The following UGT1A8 variants were observed in gnomAD, a reference collection of about 807,000 sequenced individuals.
UGT1A8 encodes the protein UDP glucuronosyltransferase family 1 member A8.
UGT1A8 carries 39 observed loss-of-function variants against 45.3 expected under a neutral mutation model. That is an observed-to-expected ratio of 0.86 (90% CI 0.67 to 1.12). The LOEUF is 1.12. UGT1A8 is among the 50% of genes most tolerant of loss of function. The pLI is 0.00. For synonymous variants in UGT1A8, 275 were observed against 249.2 expected (o/e 1.10, Z -0.97); for missense variants, 719 against 664.9 (o/e 1.08, Z -0.90).
At chr2:233,698,592 A>G (rs1559349856) in intron 1 of UGT1A8, among the ~76,000 whole-genome samples, 1 of 152,200 alleles carries the variant, frequency 6.6e-6, no homozygotes, top group South Asian at 2.1e-4. Context: ...TAATCCAAGA[A>G]ATTCGGATTA....
intron 1 of UGT1A8, among the ~76,000 whole-genome samples, chr2:233,732,755 G>GTTTTT (rs956485327): frequency 8.3e-6 from 1 of 120,224 alleles, no homozygotes; most frequent in African/African-American, 3.0e-5. Flanking sequence ...CACCAGCTTT[G>GTTTTT]TTTTTTTTTT....
chr2:233,714,705 C>T (rs577508309), intron 1 of UGT1A8, among the ~76,000 whole-genome samples: 2 of 152,262 alleles, frequency 1.3e-5, no homozygotes, highest in South Asian at 2.1e-4. Context: ...AACTGTTTAA[C>T]GTAGCTTTTT....
chr2:233,769,506 T>A lies in UGT1A8; in HGVS notation c.1295+1067T>A. On this transcript the variant is annotated intron_variant, in intron 4 of 4. Coordinates refer to ENST00000373450, the MANE Select transcript of UGT1A8 (RefSeq NM_019076.5). The surrounding 1 kb of genome is among the most constrained non-coding windows in gnomAD (Gnocchi z 4.4). ...GTGTGTTTATGAGAGTGTCCATTGCTTTCTCCCATGGTTACCTCCTTTAGA... is the reference window on the plus strand; with the variant it reads ...GTGTGTTTATGAGAGTGTCCATTGCATTCTCCCATGGTTACCTCCTTTAGA... The A allele has an allele frequency of 6.2e-7, 1 of 1,612,780 alleles. No individual in the cohort carries two copies. Among genetic ancestry groups the A allele is most frequent in the Non-Finnish European group, 8.5e-7 (1 of 1,179,850 alleles).
intron 1 of UGT1A8, chr2:233,719,006 C>G (rs899895461): frequency 1.3e-5 from 21 of 1,614,078 alleles, no homozygotes; most frequent in Non-Finnish European, 1.7e-5. Flanking sequence ...TGGTCCTCAC[C>G]CCAGAGGTGA....
At chr2:233,668,243 C>CCCCG (rs2074117268) in intron 1 of UGT1A8, among the ~76,000 whole-genome samples, 1 of 152,060 alleles carries the variant, frequency 6.6e-6, no homozygotes, top group Non-Finnish European at 1.5e-5. Context: ...GTGCGATATT[C>CCCCG]CCCGCCCTGT....
chr2:233,693,309 G>A (rs1394238379), intron 1 of UGT1A8: 4 of 1,614,038 alleles, frequency 2.5e-6, no homozygotes, highest in Middle Eastern at 1.6e-4. Flanking sequence ...TTTGCTGAGC[G>A]ATCATTCCTA....
rs1320189051 is a variant in UGT1A8, at chr2:233,757,543, T to TAC, written c.856-9490_856-9489insCA. Reference sequence around the variant, plus strand: ...AAATCTTGCCTGTAAGGAATATATATATATATATATATATATATGTATATA... The same window carrying TAC: ...AAATCTTGCCTGTAAGGAATATATATACATATATATATATATATATGTATATA... On this transcript the variant is annotated intron_variant, in intron 1 of 4. Coordinates refer to ENST00000373450, the MANE Select transcript of UGT1A8 (RefSeq NM_019076.5). Among the ~76,000 whole-genome samples the TAC allele has an allele frequency of 2.8e-3, 329 of 117,124 alleles. 12 individuals carry two copies. The highest frequency in any genetic ancestry group is 3.5e-3 in the African/African-American group (97 of 28,034). 76.8% of individuals were successfully genotyped at this position (117,124 alleles called of 152,430 possible). A position where few individuals can be genotyped will look rare whatever the true frequency, so the allele number is the denominator to read the frequency against.
chr2:233,708,356 T>TA (rs1456398377), intron 1 of UGT1A8: 1 of 152,248 alleles, frequency 6.6e-6, no homozygotes, highest in Non-Finnish European at 1.5e-5. Context: ...TTTCCCTTAT[T>TA]AATTCTTCAT....
intron 1 of UGT1A8, among the ~76,000 whole-genome samples, chr2:233,756,540 G>A (rs1404409517): frequency 2.0e-5 from 3 of 152,048 alleles, no homozygotes; most frequent in African/African-American, 7.2e-5. Flanking sequence ...TTTCTTGACT[G>A]CTAAAACAAC....
intron 1 of UGT1A8, among the ~76,000 whole-genome samples, chr2:233,636,212 G>A (rs1278781201): frequency 5.3e-5 from 8 of 150,440 alleles, no homozygotes; most frequent in African/African-American, 9.8e-5. Flanking sequence ...TTATCTTTCC[G>A]AATCTTCAAG....
At chr2:233,672,698 C>A in intron 1 of UGT1A8, 1 of 1,613,904 alleles carries the variant, frequency 6.2e-7, no homozygotes, top group South Asian at 1.1e-5. Context: ...TTGTTGCGAA[C>A]GGACTTTGTT....
chr2:233,625,960 T>A (rs28948384), intron 1 of UGT1A8, among the ~76,000 whole-genome samples: 1,835 of 152,022 alleles, frequency 0.012, 15 homozygotes, highest in Admixed American at 0.019. Context: ...GAGGAAGTCA[T>A]TCATCATAAA....
At chr2:233,631,939 G>GT (rs1352380615) in intron 1 of UGT1A8, among the ~76,000 whole-genome samples, 2 of 152,238 alleles carry the variant, frequency 1.3e-5, no homozygotes, top group African/African-American at 4.8e-5. Flanking sequence ...TATTGCCTAG[G>GT]TTTTTTTCTA....
intron 1 of UGT1A8, among the ~76,000 whole-genome samples, chr2:233,692,683 T>C (rs982840402): frequency 1.3e-5 from 2 of 151,996 alleles, no homozygotes; most frequent in Non-Finnish European, 1.5e-5. Flanking sequence ...TGGCAGGGGG[T>C]CCTCAGGGGT....
rs140860588 is a variant in UGT1A8 at position 233,718,960 on chromosome 2, C to T, written c.856-48074C>T. On this transcript the variant is annotated intron_variant, in intron 1 of 4. Coordinates refer to ENST00000373450, the MANE Select transcript of UGT1A8 (RefSeq NM_019076.5). ...AGCCCCTGGCTCAGCATGCGGGAGG[C>T]CTTGCGGGAGCTCCATGCCAGAGGC... 1.4e-4 allele frequency: 218 copies of T among 1,614,192 alleles called. No homozygotes were observed. The highest frequency in any genetic ancestry group is 1.5e-4 in the Non-Finnish European group (177 of 1,180,018).
Position 233,772,392 on chromosome 2 carries a change from C to T in UGT1A8, c.1426C>T (p.His476Tyr), listed in dbSNP as rs753109787. 4 of 1,614,252 alleles carry T rather than the reference C, an allele frequency of 2.5e-6. No homozygotes were observed. Among genetic ancestry groups the T allele is most frequent in the East Asian group, 2.2e-5 (1 of 44,876 alleles). ...KGAPHLRPAA[H>Y]DLTWYQYHSL... is the part of the protein sequence containing the mutation. Reference sequence around the variant, plus strand: ...CGCGCCACACCTGCGCCCCGCAGCCCACGACCTCACCTGGTACCAGTACCA... The same window carrying T: ...CGCGCCACACCTGCGCCCCGCAGCCTACGACCTCACCTGGTACCAGTACCA... Residue 476 changes from histidine (H) to tyrosine (Y), a missense_variant, in exon 5 of 5, where the codon CAC (histidine) becomes TAC (tyrosine). Coordinates refer to ENST00000373450, the MANE Select transcript of UGT1A8 (RefSeq NM_019076.5).
chr2:233,620,514 T>G (rs926819662), intron 1 of UGT1A8, among the ~76,000 whole-genome samples: 4 of 152,136 alleles, frequency 2.6e-5, no homozygotes, highest in African/African-American at 9.7e-5. Flanking sequence ...TAGGGAGATA[T>G]CCATAAAAAA....
intron 1 of UGT1A8, chr2:233,747,152 G>A (rs1023956856): frequency 1.3e-6 from 2 of 1,577,494 alleles, no homozygotes; most frequent in African/African-American, 1.4e-5. Context: ...TTAAGATGAA[G>A]AAAACAAATG....
intron 1 of UGT1A8, among the ~76,000 whole-genome samples, chr2:233,724,520 T>C (rs200973045): frequency 0.41 from 41,671 of 101,172 alleles, 10,045 homozygotes; most frequent in African/African-American, 0.66. Flanking sequence ...ACCTCCCAGA[T>C]GGGGTCTCGC....
Sources: gnomAD v4.1 joint callset for allele counts (sites outside exome capture counted in the v4.1 genomes callset) on GRCh38, gnomAD v4.1.1 for gene constraint, Gnocchi (gnomAD v3.1) non-coding constraint, MANE v1.5 for transcripts, NCBI Gene and HGNC (gene_info 2026-07-23, HGNC 2026-07-21) for gene names.